The following TROAP variants were observed in gnomAD, a reference collection of about 807,000 sequenced individuals.
TROAP encodes tastin.
Under a neutral mutation model 83.4 loss-of-function variants are expected in TROAP, and 62 were observed. The observed-to-expected ratio is 0.74, with a 90% confidence interval of 0.61 to 0.92. The LOEUF (loss-of-function observed/expected upper bound fraction) is 0.92, where lower values mean the gene tolerates loss of function less well. Ranked by LOEUF, TROAP falls within the 40% of genes least tolerant of loss-of-function variation. The pLI is 0.00. For missense variants in TROAP, 876 were observed against 985.1 expected (o/e 0.89, Z 1.48); for synonymous variants, 352 against 386.4 (o/e 0.91, Z 1.04).
At position 49,323,715 on chromosome 12, in the gene TROAP, C is replaced by T; in HGVS notation, c.107C>T (p.Thr36Ile). ...SQKRTPFPTV[T>I]SCAVDQENQD... is the part of the protein sequence containing the mutation. ...AAACGCACGCCTTTCCCCACTGTTA[C>T]ATCGTGCGCCGTGGACCAGGAGAAC... The change falls in exon 2 of 15, where the codon ACA (threonine) becomes ATA (isoleucine). Residue 36 changes from threonine to isoleucine, a missense_variant. Physicochemically the swap from Thr to Ile is moderately conservative, Grantham distance 89. Coordinates refer to ENST00000257909, the MANE Select transcript of TROAP (RefSeq NM_005480.4). The T allele has an allele frequency of 6.2e-7, 1 of 1,614,156 alleles. No homozygotes were observed. Among genetic ancestry groups the T allele is most frequent in the Non-Finnish European group, 8.5e-7 (1 of 1,180,024 alleles).
In TROAP at chr12:49,323,626, C is replaced by G. The variant is rs776852926; in HGVS notation, c.18C>G (p.Ala6=). 6.2e-7 allele frequency: 1 copy of G among 1,613,972 alleles called. No homozygotes were observed. The stretch of plus-strand genomic sequence containing the variant: ...TAGCCATCATGACCACCCGGCAAGC[C>G]ACGAAGGATCCCCTCCTCCGGGGTG... MTTRQ[A]TKDPLLRGVS... The change falls in exon 2 of 15, where the codon GCC becomes GCG. Residue 6 remains alanine (A), a synonymous_variant. Transcript: ENST00000257909.
At chr12:49,323,456 C>A in intron 1 of TROAP, 107 bp downstream of exon 1, 1 of 1,025,388 alleles carries the variant, frequency 9.8e-7, no homozygotes, top group Non-Finnish European at 1.4e-6. Context: ...CTGGAGATAG[C>A]ACCCATAAGA....
chr12:49,326,889 G>T (rs1458047366), intron 7 of TROAP, among the ~76,000 whole-genome samples, 169 bp downstream of exon 7: 1 of 152,164 alleles, frequency 6.6e-6, no homozygotes, highest in Non-Finnish European at 1.5e-5. Flanking sequence ...CCAGCGATTG[G>T]CACAGTTGCA....
chr12:49,328,952 C>T lies in TROAP; in HGVS notation c.917C>T (p.Pro306Leu), dbSNP rs532846810. ...GACAGCCATGACTCCCACCTGATGC[C>T]CTCCCCTGCCCCTGTGGCCCAGCCC... is the stretch of plus-strand genomic sequence containing the variant. The part of the protein sequence containing the change: ...TRDSHDSHLM[P>L]SPAPVAQPLP... Residue 306 changes from proline to leucine, a missense_variant, in exon 9 of 15, where the codon CCC becomes CTC. Physicochemically the swap from Pro to Leu is moderately conservative, Grantham distance 98. Around this residue, in one of 3 missense-constraint regions of TROAP, gnomAD observed 689 missense variants for 722.6 expected, o/e 0.95. Coordinates refer to ENST00000257909, the MANE Select transcript of TROAP (RefSeq NM_005480.4). The T allele has an allele frequency of 6.3e-7, 1 of 1,587,552 alleles. No individual in the cohort carries two copies. Among genetic ancestry groups the T allele is most frequent in the Admixed American group, 1.8e-5 (1 of 56,920 alleles).
Position 49,330,149 on chromosome 12 carries a change from T to C in TROAP, c.1304T>C (p.Ile435Thr), listed in dbSNP as rs78847105. The change falls in exon 13 of 15, where the codon ATC becomes ACC. Residue 435 changes from isoleucine (I) to threonine (T), a missense_variant. By Grantham distance (89) the Ile-to-Thr change is moderately conservative. Around this residue, in one of 3 missense-constraint regions of TROAP, gnomAD observed 689 missense variants for 722.6 expected, o/e 0.95. Transcript: ENST00000257909. ...GGGTGCTCTCTCCCACCACAGCGCA[T>C]CGGTATCCTGCAACAGCTGTTGAGA... ...PSLQEVKIQR[I>T]GILQQLLRQE... 1.4e-5 allele frequency: 23 copies of C among 1,613,466 alleles called. No individual in the cohort carries two copies. In the East Asian group the frequency reaches 4.7e-4, roughly 33 times the overall value.
Position 49,331,275 on chromosome 12 carries a change from C to T in TROAP, c.2160C>T (p.Thr720=), listed in dbSNP as rs140610307. 121 of 1,614,212 alleles carry T rather than the reference C, an allele frequency of 7.5e-5. No homozygotes were observed. The African/African-American group carries it at 9.9e-4, about 13-fold the overall frequency. ...ALRERLKSCL[T]AIHCFHEARL... ...GGGAGCGCCTCAAATCGTGTTTAAC[C>T]GCCATCCACTGCTTCCACGAGGCTC... The change falls in exon 14 of 15, where the codon ACC becomes ACT. Residue 720 remains threonine (T), a synonymous_variant. Transcript: ENST00000257909.
rs1943481436 is a variant in TROAP, at chr12:49,325,340, G to A, written c.338-161G>A. ...CAAAGTGCTGGGATTACAGGCATGAGCCACTGCACCCAGCCATCTATTTCT... is the reference window on the plus strand; with the variant it reads ...CAAAGTGCTGGGATTACAGGCATGAACCACTGCACCCAGCCATCTATTTCT... On this transcript the variant is annotated intron_variant, in intron 3 of 14. Transcript: ENST00000257909. The A allele has an allele frequency of 5.7e-6, 4 of 705,096 alleles. No homozygotes were observed. In the Admixed American group the frequency reaches 9.6e-5, roughly 17 times the overall value. 43.7% of individuals were successfully genotyped at this position (705,096 alleles called of 1,614,324 possible).
At chr12:49,324,905 CTTTCT>C (rs1377527541) in intron 3 of TROAP, among the ~76,000 whole-genome samples, 2 of 132,822 alleles carry the variant, frequency 1.5e-5, no homozygotes, top group African/African-American at 5.7e-5. Flanking sequence ...TTTTTGTTTT[CTTTCT>C]TTTTTTTTTT....
chr12:49,324,196 T>G (rs1213435497), intron 3 of TROAP, 159 bp downstream of exon 3: 2 of 1,614,040 alleles, frequency 1.2e-6, no homozygotes, highest in Non-Finnish European at 8.5e-7. Context: ...TCTTAGAAGA[T>G]CTCCCTTTCC....
chr12:49,326,062 C>G lies in TROAP; in HGVS notation c.634-14C>G. ...CCTCTGATTCCGTTTTCATCTCTTG[C>G]TCCTGTGGATCAGATTTCACCTTCA... On this transcript the variant is annotated splice_polypyrimidine_tract_variant and intron_variant, in intron 5 of 14. Coordinates refer to ENST00000257909, the MANE Select transcript of TROAP (RefSeq NM_005480.4). 6.2e-7 allele frequency: 1 copy of G among 1,613,226 alleles called. No individual in the cohort carries two copies. The highest frequency in any genetic ancestry group is 8.5e-7 in the Non-Finnish European group (1 of 1,179,738).
In TROAP at chr12:49,330,838, T is replaced by C; in HGVS notation, c.1993T>C (p.Trp665Arg). 6.2e-7 allele frequency: 1 copy of C among 1,613,482 alleles called. No individual in the cohort carries two copies. The highest frequency in any genetic ancestry group is 8.5e-7 in the Non-Finnish European group (1 of 1,179,970). ...CAGTCTACCACCCTGCTGCAGTCAG[T>C]GGGCTCCAGCAACCACCAGCCTGAT... ...ESSLPPCCSQ[W>R]APATTSLIFS... The change falls in exon 13 of 15, where the codon TGG becomes CGG. Residue 665 changes from tryptophan (W) to arginine (R), a missense_variant. Physicochemically the swap from Trp to Arg is moderately radical, Grantham distance 101. Transcript: ENST00000257909.
At chr12:49,324,206 C>T (rs1212937797) in intron 3 of TROAP, 169 bp downstream of exon 3, 7 of 1,614,094 alleles carry the variant, frequency 4.3e-6, no homozygotes, top group African/African-American at 2.7e-5. Flanking sequence ...TCTCCCTTTC[C>T]TCCAGCAAAA....
rs935287342 is a variant in TROAP at position 49,323,359 on chromosome 12, G to C, written c.-6+10G>C. Reference sequence around the variant, plus strand: ...GAGGGGCCTCGGTAAGGTAAGGCACGGGGGTCTTGAAGGGAACGAAGGCTG... The same window carrying C: ...GAGGGGCCTCGGTAAGGTAAGGCACCGGGGTCTTGAAGGGAACGAAGGCTG... On this transcript the variant is annotated intron_variant, in intron 1 of 14. Transcript: ENST00000257909. 2.0e-6 allele frequency: 1 copy of C among 491,820 alleles called. No individual in the cohort carries two copies. The highest frequency in any genetic ancestry group is 3.6e-6 in the Non-Finnish European group (1 of 276,794). The allele number at this position is 491,820 out of a possible 1,614,324, so 30.5% of individuals were successfully genotyped here. A position where few individuals can be genotyped will look rare whatever the true frequency, so the allele number is the denominator to read the frequency against.
chr12:49,323,405 G>T, intron 1 of TROAP, 56 bp downstream of exon 1: 1 of 643,952 alleles, frequency 1.6e-6, no homozygotes, highest in South Asian at 2.0e-5. Flanking sequence ...AGGGAGGAGG[G>T]CAGTTTGGGG....
chr12:49,331,127 TG>T lies in TROAP; in HGVS notation c.2099-85del, dbSNP rs1943575563. 8.9e-6 allele frequency: 14 copies of T among 1,581,584 alleles called. No homozygotes were observed. The East Asian group carries it at 3.2e-4, about 36-fold the overall frequency. ...TCCAGCCCTGTGCTCCTAATTGGCTTGGCCGTTGGTGGGGGAGGAGGAGAGG... is the reference window on the plus strand; with the variant it reads ...TCCAGCCCTGTGCTCCTAATTGGCTTGCCGTTGGTGGGGGAGGAGGAGAGG... On this transcript the variant is annotated intron_variant, in intron 13 of 14. Transcript: ENST00000257909.
chr12:49,328,537 A>G (rs2137070539), intron 8 of TROAP, among the ~76,000 whole-genome samples: 1 of 152,098 alleles, frequency 6.6e-6, no homozygotes. Context: ...TTAGGTCTTA[A>G]AAGAATCACA....
rs1943549152 is a variant in TROAP, at chr12:49,329,589, G to T, written c.1164+135G>T. On this transcript the variant is annotated intron_variant, in intron 11 of 14. Coordinates refer to ENST00000257909, the MANE Select transcript of TROAP (RefSeq NM_005480.4). This position sits in a 1 kb window ranked among gnomAD's most constrained non-coding sequence, Gnocchi z 4.5. Reference sequence around the variant, plus strand: ...ACCTGTAATCCCAGCACTTTGGGAGGCTGAGGTAGGAGGATTGCTTGAGCT... The same window carrying T: ...ACCTGTAATCCCAGCACTTTGGGAGTCTGAGGTAGGAGGATTGCTTGAGCT... The T allele has an allele frequency of 3.6e-6, 4 of 1,123,270 alleles. 1 individual carries two copies. The allele number at this position is 1,123,270 out of a possible 1,614,324, so 69.6% of individuals were successfully genotyped here. A position where few individuals can be genotyped will look rare whatever the true frequency, so the allele number is the denominator to read the frequency against.
chr12:49,324,052 C>T lies in TROAP; in HGVS notation c.337+15C>T. On this transcript the variant is annotated intron_variant, in intron 3 of 14. Transcript: ENST00000257909. ...TGCCCAGACAGGTACCTGTTGGAGC[C>T]ATGGTAACACGGCCTCCATGGCTGA... 7 of 1,611,936 alleles carry T rather than the reference C, an allele frequency of 4.3e-6. No homozygotes were observed. Among genetic ancestry groups the T allele is most frequent in the Non-Finnish European group, 5.9e-6 (7 of 1,178,652 alleles).
At chr12:49,327,181 C>A in intron 7 of TROAP, 28 bp from the exon 8 acceptor site, 2 of 1,613,280 alleles carry the variant, frequency 1.2e-6, no homozygotes, top group South Asian at 2.2e-5. Flanking sequence ...GTTCTAGAGT[C>A]TACAACAAAT....
Sources: gnomAD v4.1 joint callset for allele counts (sites outside exome capture counted in the v4.1 genomes callset) on GRCh38, gnomAD v4.1.1 for gene constraint, gnomAD v4.1.1 regional missense constraint, Gnocchi (gnomAD v3.1) non-coding constraint, MANE v1.5 for transcripts, NCBI Gene and HGNC (gene_info 2026-07-23, HGNC 2026-07-21) for gene names.